FNDC3B: variants seen among roughly 807,000 people sequenced by gnomAD.
The protein encoded by FNDC3B is fibronectin type III domain containing 3B, also known as fibronectin type III domain-containing protein 3B.
In FNDC3B, 12 loss-of-function variants were observed where a neutral mutation model predicts 151.5. The observed-to-expected ratio is 0.08, with a 90% CI of 0.05 to 0.13. The LOEUF (loss-of-function observed/expected upper bound fraction) is 0.13. Among genes scored for constraint, FNDC3B ranks in the 10% least tolerant of loss-of-function variants. The pLI is 1.00. For missense variants in FNDC3B, 1,214 were observed against 1,505.3 expected (o/e 0.81, Z 3.20); for synonymous variants, 528 against 549.0 (o/e 0.96, Z 0.54).
intron 1 of FNDC3B, among the ~76,000 whole-genome samples, chr3:172,091,983 CTA>C (rs1718859851): frequency 6.6e-6 from 1 of 150,854 alleles, no homozygotes; most frequent in Admixed American, 6.6e-5. Flanking sequence ...GTAAATTTGA[CTA>C]TAAGATGAGT....
intron 3 of FNDC3B, among the ~76,000 whole-genome samples, chr3:172,144,732 T>A (rs1210049950): frequency 6.6e-6 from 1 of 152,232 alleles, no homozygotes; most frequent in African/African-American, 2.4e-5. Flanking sequence ...AGTGGGTATT[T>A]TTTTCCTTTT....
intron 2 of FNDC3B, among the ~76,000 whole-genome samples, chr3:172,128,045 A>G (rs996055130): frequency 1.3e-5 from 2 of 152,354 alleles, no homozygotes; most frequent in South Asian, 2.1e-4. Context: ...CTTATTTTGC[A>G]TAGTAAGAGT....
chr3:172,308,446 G>A (rs537293116), intron 10 of FNDC3B, among the ~76,000 whole-genome samples: 2 of 152,306 alleles, frequency 1.3e-5, no homozygotes, highest in South Asian at 4.1e-4. Flanking sequence ...GGGTTTGGGG[G>A]GAGAATAGTA....
At chr3:172,107,312 G>A (rs950880074) in intron 1 of FNDC3B, among the ~76,000 whole-genome samples, 1 of 152,136 alleles carries the variant, frequency 6.6e-6, no homozygotes, top group Non-Finnish European at 1.5e-5. Flanking sequence ...TGCTCTGTGT[G>A]GGGGAAAGAA....
At chr3:172,229,825 T>C (rs1382799460) in intron 4 of FNDC3B, among the ~76,000 whole-genome samples, 1 of 152,198 alleles carries the variant, frequency 6.6e-6, no homozygotes, top group African/African-American at 2.4e-5. Context: ...AAAATAACAA[T>C]GAGACTGATC....
At chr3:172,108,276 ATTC>A (rs1417357793) in intron 1 of FNDC3B, among the ~76,000 whole-genome samples, 1 of 152,238 alleles carries the variant, frequency 6.6e-6, no homozygotes, top group Non-Finnish European at 1.5e-5. Flanking sequence ...TGAATACAGT[ATTC>A]TTATAAACTG....
At chr3:172,219,077 G>T (rs1424765810) in intron 3 of FNDC3B, among the ~76,000 whole-genome samples, 2 of 152,126 alleles carry the variant, frequency 1.3e-5, no homozygotes, top group South Asian at 4.1e-4. Context: ...GCTTGCTTCT[G>T]GGCCTCAGTC....
intron 3 of FNDC3B, among the ~76,000 whole-genome samples, chr3:172,154,087 TGA>T (rs372843759): frequency 8.5e-5 from 13 of 152,328 alleles, no homozygotes; most frequent in South Asian, 2.1e-4. Context: ...GAATATTTTT[TGA>T]GTTTGCTTAT....
chr3:172,201,439 T>G (rs1358827716), intron 3 of FNDC3B, among the ~76,000 whole-genome samples: 3 of 151,776 alleles, frequency 2.0e-5, no homozygotes, highest in Non-Finnish European at 4.4e-5. Context: ...TGCGGTGGAG[T>G]GGGCCTTTTA....
At chr3:172,237,709 C>T (rs1182747346) in intron 4 of FNDC3B, 3 of 152,318 alleles carry the variant, frequency 2.0e-5, no homozygotes, top group Non-Finnish European at 2.9e-5. Flanking sequence ...AACTGATTAG[C>T]GAAAACCTTC....
intron 6 of FNDC3B, among the ~76,000 whole-genome samples, chr3:172,261,167 T>C (rs959242443): frequency 1.3e-5 from 2 of 152,160 alleles, no homozygotes; most frequent in Non-Finnish European, 2.9e-5. Context: ...CCTGCTACAT[T>C]GCGGAAGGGG....
intron 19 of FNDC3B, 32 bp downstream of exon 19, chr3:172,344,290 TCA>T (rs754718524): frequency 3.2e-6 from 5 of 1,566,370 alleles, no homozygotes; most frequent in Non-Finnish European, 4.3e-6. Context: ...ATAACCAGAA[TCA>T]GAATGCATAA....
chr3:172,244,724 A>G (rs1002146418), intron 4 of FNDC3B, among the ~76,000 whole-genome samples: 1 of 144,286 alleles, frequency 6.9e-6, no homozygotes, highest in Admixed American at 7.4e-5. Context: ...TCCTGGGTTC[A>G]AGCAATTCCC....
At chr3:172,110,654 G>A (rs188213096) in intron 1 of FNDC3B, among the ~76,000 whole-genome samples, 1 of 151,924 alleles carries the variant, frequency 6.6e-6, no homozygotes, top group African/African-American at 2.4e-5. Context: ...GTAGCAGAGG[G>A]GATGCAGAGA....
chr3:172,353,978 T>C (rs1733974926), intron 22 of FNDC3B, among the ~76,000 whole-genome samples: 1 of 152,022 alleles, frequency 6.6e-6, no homozygotes, highest in Non-Finnish European at 1.5e-5. Flanking sequence ...AAAAAAACTT[T>C]AGATAGTCTT....
At chr3:172,296,885 G>A (rs1037781657) in intron 8 of FNDC3B, among the ~76,000 whole-genome samples, 1 of 151,936 alleles carries the variant, frequency 6.6e-6, no homozygotes, top group Non-Finnish European at 1.5e-5. Flanking sequence ...ATGTGTATAC[G>A]CTCTGTGGGG....
At chr3:172,332,714 G>A (rs781432111) in intron 13 of FNDC3B, among the ~76,000 whole-genome samples, 1 of 152,162 alleles carries the variant, frequency 6.6e-6, no homozygotes, top group South Asian at 2.1e-4. Flanking sequence ...GGCACTGTGT[G>A]GTCAGGAAGC....
intron 23 of FNDC3B, among the ~76,000 whole-genome samples, chr3:172,371,139 A>G (rs1449547463): frequency 1.3e-5 from 2 of 149,406 alleles, no homozygotes; most frequent in African/African-American, 2.5e-5. Context: ...CCACAAATCC[A>G]TGGAAGCTCC....
intron 1 of FNDC3B, among the ~76,000 whole-genome samples, chr3:172,109,909 T>C (rs183630896): frequency 1.3e-5 from 2 of 152,342 alleles, no homozygotes; most frequent in East Asian, 3.9e-4. Context: ...AAAGAGATGG[T>C]TTTGCACATC....
Sources: allele counts gnomAD v4.1 joint callset (sites outside exome capture counted in the v4.1 genomes callset), GRCh38; gene constraint gnomAD v4.1.1; transcripts MANE v1.5; gene names NCBI Gene and HGNC (gene_info 2026-07-23, HGNC 2026-07-21).